SRBD1: variants seen among roughly 807,000 people sequenced by gnomAD.
SRBD1 encodes the protein S1 RNA-binding domain-containing protein 1.
Under a neutral mutation model 115.3 loss-of-function variants are expected in SRBD1, and 88 were observed. The ratio of observed to expected loss-of-function variants is 0.76; its 90% confidence interval spans 0.64 to 0.91. The LOEUF is 0.91. Among genes scored for constraint, SRBD1 ranks in the 40% least tolerant of loss-of-function variants. SRBD1 has a pLI of 0.00. For synonymous variants in SRBD1, 509 were observed against 407.7 expected (o/e 1.25, Z -2.99); for missense variants, 1,385 against 1,177.4 (o/e 1.18, Z -2.58).
At chr2:45,465,803 TG>T (rs1669469041) in intron 16 of SRBD1, among the ~76,000 whole-genome samples, 1 of 152,188 alleles carries the variant, frequency 6.6e-6, no homozygotes, top group African/African-American at 2.4e-5. Context: ...AAGAAGCATT[TG>T]TGACCAGGCT....
chr2:45,435,717 G>A (rs1668475855), intron 16 of SRBD1, among the ~76,000 whole-genome samples: 1 of 152,140 alleles, frequency 6.6e-6, no homozygotes, highest in Non-Finnish European at 1.5e-5. Context: ...TACCCAGAAA[G>A]GGGTAGAAGT....
At chr2:45,546,240 A>T in intron 14 of SRBD1, 3 of 985,458 alleles carry the variant, frequency 3.0e-6, no homozygotes, top group Non-Finnish European at 3.6e-6. Context: ...CTGTATGCCT[A>T]TATGAAATAA....
chr2:45,441,734 G>T (rs3770252), intron 16 of SRBD1, among the ~76,000 whole-genome samples: 4,218 of 152,296 alleles, frequency 0.028, 145 homozygotes, highest in Admixed American at 0.089. Flanking sequence ...AGGAGATACT[G>T]GTGACGTGGC....
chr2:45,449,108 CT>C (rs1237144131), intron 16 of SRBD1, among the ~76,000 whole-genome samples: 3 of 152,080 alleles, frequency 2.0e-5, no homozygotes, highest in African/African-American at 2.4e-5. Flanking sequence ...ATTTTAATGT[CT>C]TTTTTATTGA....
intron 9 of SRBD1, among the ~76,000 whole-genome samples, chr2:45,566,401 T>C (rs1456230719): frequency 6.6e-6 from 1 of 152,202 alleles, no homozygotes; most frequent in Non-Finnish European, 1.5e-5. Context: ...TACTAATACA[T>C]ACCATAACAG....
rs933664544 is a variant in SRBD1, at chr2:45,418,490, T to C, written c.2208A>G (p.Arg736=). 2.5e-6 allele frequency: 4 copies of C among 1,613,844 alleles called. No homozygotes were observed. The African/African-American group carries it at 4.0e-5, about 16-fold the overall frequency. ...GGTTGATAAAGGGTCCATTTTTCTC[T>C]CGCCATTCAATAATATTTTTGGCCC... is the stretch of plus-strand genomic sequence containing the variant. ...ANRAKNIIEW[R]EKNGPFINRE... The change falls in exon 18 of 21, where the codon CGA becomes CGG. Residue 736 remains arginine, a synonymous_variant. Coordinates refer to ENST00000263736, the MANE Select transcript of SRBD1 (RefSeq NM_018079.5).
chr2:45,605,967 A>G (rs984994504), intron 1 of SRBD1, among the ~76,000 whole-genome samples: 7 of 151,806 alleles, frequency 4.6e-5, no homozygotes, highest in Non-Finnish European at 1.0e-4. Context: ...AAAACTCTTA[A>G]GAGTATGGGC....
chr2:45,464,875 G>C (rs1218966777), intron 16 of SRBD1, among the ~76,000 whole-genome samples: 1 of 151,518 alleles, frequency 6.6e-6, no homozygotes, highest in Admixed American at 6.6e-5. Context: ...AATAAAATAA[G>C]AAAAAAAGGC....
At chr2:45,578,898 T>C (rs1673259731) in intron 7 of SRBD1, among the ~76,000 whole-genome samples, 1 of 152,224 alleles carries the variant, frequency 6.6e-6, no homozygotes, top group Admixed American at 6.5e-5. Context: ...GTTAATTTGC[T>C]TGATTATCAT....
At chr2:45,512,537 C>T (rs1671001163) in intron 14 of SRBD1, among the ~76,000 whole-genome samples, 2 of 152,236 alleles carry the variant, frequency 1.3e-5, no homozygotes, top group South Asian at 4.1e-4. Context: ...GGCATTTACA[C>T]CAAGGGCAAA....
Position 45,389,182 on chromosome 2 carries a change from T to C in SRBD1, c.*128A>G. ...AGAAGAAAAAATAAAGGAAAGTGTT[T>C]GGAAAATATTTCTGATATTAAGTGA... On this transcript the variant is annotated 3_prime_UTR_variant, in exon 21 of 21. Coordinates refer to ENST00000263736, the MANE Select transcript of SRBD1 (RefSeq NM_018079.5). 1 of 1,130,038 alleles carries C rather than the reference T, an allele frequency of 8.8e-7. No homozygotes were observed. The allele number at this position is 1,130,038 out of a possible 1,614,324, so 70.0% of individuals were successfully genotyped here. A position where few individuals can be genotyped will look rare whatever the true frequency, so the allele number is the denominator to read the frequency against.
intron 19 of SRBD1, among the ~76,000 whole-genome samples, chr2:45,393,659 C>T (rs1360869874): frequency 2.0e-5 from 3 of 152,156 alleles, no homozygotes; most frequent in Non-Finnish European, 4.4e-5. Flanking sequence ...GGATTACAGG[C>T]GTAAGCCACT....
intron 14 of SRBD1, among the ~76,000 whole-genome samples, chr2:45,526,939 G>A (rs1671461065): frequency 6.6e-6 from 1 of 151,794 alleles, no homozygotes; most frequent in African/African-American, 2.4e-5. Context: ...GGACAGCCAG[G>A]GACTTCAAAA....
intron 4 of SRBD1, among the ~76,000 whole-genome samples, chr2:45,594,722 C>T (rs1253941288): frequency 6.6e-6 from 1 of 152,142 alleles, no homozygotes; most frequent in Admixed American, 6.6e-5. Flanking sequence ...CCGATAGACC[C>T]TATGTTCCAT....
At chr2:45,500,092 G>C (rs889558877) in intron 14 of SRBD1, among the ~76,000 whole-genome samples, 3 of 152,106 alleles carry the variant, frequency 2.0e-5, no homozygotes, top group South Asian at 2.1e-4. Flanking sequence ...GGGTAGTAAA[G>C]ACATTTTAAC....
In SRBD1 at chr2:45,448,494, C is replaced by T. The variant is rs565346021; in HGVS notation, c.2049+28499G>A. On this transcript the variant is annotated intron_variant, in intron 16 of 20. Transcript: ENST00000263736. Reference sequence around the variant, plus strand: ...CATTAGGCACAGAGCTGGAAAAATGCAACATTTGCATCTCAGAGGCCTGGG... The same window carrying T: ...CATTAGGCACAGAGCTGGAAAAATGTAACATTTGCATCTCAGAGGCCTGGG... 3.3e-5 allele frequency among the ~76,000 whole-genome samples: 5 copies of T among 152,264 alleles called. No homozygotes were observed. The South Asian group carries it at 6.2e-4, about 19-fold the overall frequency.
chr2:45,392,984 C>A lies in SRBD1; in HGVS notation c.2659G>T (p.Asp887Tyr). Residue 887 changes from aspartate to tyrosine, a missense_variant, in exon 20 of 21, where the codon GAT (aspartate) becomes TAT (tyrosine). Physicochemically the swap from Asp to Tyr is radical, Grantham distance 160. Transcript: ENST00000263736. Reference sequence around the variant, plus strand: ...AAGCTTTCAGGCTGGCTGAGACCATCTATGATGACCTGTAAGGTGTGTACT... The same window carrying A: ...AAGCTTTCAGGCTGGCTGAGACCATATATGATGACCTGTAAGGTGTGTACT... Reference protein sequence around the residue: ...TTVHTLQVIIDGLSQPESFDF... With the variant: ...TTVHTLQVIIYGLSQPESFDF... The A allele has an allele frequency of 6.2e-7, 1 of 1,612,776 alleles. No individual in the cohort carries two copies. The highest frequency in any genetic ancestry group is 8.5e-7 in the Non-Finnish European group (1 of 1,179,236).
chr2:45,530,599 C>A (rs893587397), intron 14 of SRBD1, among the ~76,000 whole-genome samples: 2 of 152,032 alleles, frequency 1.3e-5, no homozygotes, highest in Non-Finnish European at 2.9e-5. Context: ...TAAAGACACA[C>A]ATCCTATATA....
chr2:45,496,991 G>A (rs1323913287), intron 14 of SRBD1, among the ~76,000 whole-genome samples: 1 of 152,202 alleles, frequency 6.6e-6, no homozygotes, highest in East Asian at 1.9e-4. Context: ...ACACTGAACA[G>A]ATGGAGGGAA....
Sources: gnomAD v4.1 joint callset for allele counts (sites outside exome capture counted in the v4.1 genomes callset) on GRCh38, gnomAD v4.1.1 for gene constraint, MANE v1.5 for transcripts, NCBI Gene and HGNC (gene_info 2026-07-23, HGNC 2026-07-21) for gene names.